ABR: variants seen among roughly 807,000 people sequenced by gnomAD.
ABR encodes the protein ABR activator of RhoGEF and GTPase.
ABR carries 35 observed loss-of-function variants against 107.2 expected under a neutral mutation model. The observed-to-expected ratio is 0.33, with a 90% CI of 0.25 to 0.43. ABR has a LOEUF of 0.43. ABR is among the 20% of genes least tolerant of loss of function. The probability of loss-of-function intolerance (pLI) is 1.00; values close to 1 mark genes in which losing one functional copy is unlikely to be tolerated. For synonymous variants in ABR, 498 were observed against 462.0 expected (o/e 1.08, Z -1.00); for missense variants, 815 against 1,115.2 (o/e 0.73, Z 3.83).
rs564921543 is a variant in ABR at position 1,150,235 on chromosome 17, C to T, written c.62-24868G>A. Among the ~76,000 whole-genome samples, 44 of 152,306 alleles carry T rather than the reference C, an allele frequency of 2.9e-4. No individual in the cohort carries two copies. In the South Asian group the frequency reaches 8.7e-3, roughly 30 times the overall value. On this transcript the variant is annotated intron_variant, in intron 1 of 22. Coordinates refer to ENST00000302538, the MANE Select transcript of ABR (RefSeq NM_021962.5). This position sits in a 1 kb window ranked among gnomAD's most constrained non-coding sequence, Gnocchi z 4.8. ...TTTTTTTGTTACCCACCTGACAAAGCTCTTCATCTTGCTAAAGATAACAGA... is the reference window on the plus strand; with the variant it reads ...TTTTTTTGTTACCCACCTGACAAAGTTCTTCATCTTGCTAAAGATAACAGA...
At position 1,011,015 on chromosome 17, in the gene ABR, T is replaced by C. The variant is rs571681553; in HGVS notation, c.2102-152A>G. The C allele has an allele frequency of 1.0e-6, 1 of 1,000,036 alleles. No homozygotes were observed. The highest frequency in any genetic ancestry group is 2.5e-5 in the East Asian group (1 of 39,418). The allele number at this position is 1,000,036 out of a possible 1,614,324, so 61.9% of individuals were successfully genotyped here. A position where few individuals can be genotyped will look rare whatever the true frequency, so the allele number is the denominator to read the frequency against. ...TGTAGAGAGGGCCCACAGGTGTCTGTGACTCGGCTCTGTGGGTCGGGGTTG... is the reference window on the plus strand; with the variant it reads ...TGTAGAGAGGGCCCACAGGTGTCTGCGACTCGGCTCTGTGGGTCGGGGTTG... On this transcript the variant is annotated intron_variant, in intron 19 of 22. Transcript: ENST00000302538. This position sits in a 1 kb window ranked among gnomAD's most constrained non-coding sequence, Gnocchi z 4.8.
intron 1 of ABR, among the ~76,000 whole-genome samples, chr17:1,220,329 GT>G (rs1278400505): frequency 6.6e-6 from 1 of 152,004 alleles, no homozygotes; most frequent in African/African-American, 2.4e-5. Flanking sequence ...TTTCTCAGCA[GT>G]TGAAAAACGC....
Position 1,150,946 on chromosome 17 carries a change from C to T in ABR, c.62-25579G>A, listed in dbSNP as rs139266130. On this transcript the variant is annotated intron_variant, in intron 1 of 22. Transcript: ENST00000302538. The surrounding 1 kb of genome is among the most constrained non-coding windows in gnomAD (Gnocchi z 4.8). ...CACACTCCTGGGGGTGAGGAGGTCA[C>T]GTATGCAACTTGCTGTCATCTTTCT... Among the ~76,000 whole-genome samples, 481 of 152,214 alleles carry T rather than the reference C, an allele frequency of 3.2e-3. 3 individuals are homozygous for T. Among genetic ancestry groups the T allele is most frequent in the African/African-American group, 0.011 (453 of 41,512 alleles).
At chr17:1,033,916 C>T (rs2072985823) in intron 16 of ABR, among the ~76,000 whole-genome samples, 1 of 151,994 alleles carries the variant, frequency 6.6e-6, no homozygotes, top group African/African-American at 2.4e-5. Flanking sequence ...GCCATCTCCT[C>T]CAGGAAGGCT....
chr17:1,070,208 C>T lies in ABR; in HGVS notation c.895-118G>A, dbSNP rs2035113979. The T allele has an allele frequency of 3.6e-6, 5 of 1,375,156 alleles. No homozygotes were observed. Among genetic ancestry groups the T allele is most frequent in the Non-Finnish European group, 5.0e-6 (5 of 1,006,118 alleles). The allele number at this position is 1,375,156 out of a possible 1,614,324, so 85.2% of individuals were successfully genotyped here. A position where few individuals can be genotyped will look rare whatever the true frequency, so the allele number is the denominator to read the frequency against. ...TGGACCGAGAGGCGGCATAGCCTGT[C>T]ATCCCTTAACCAAAGGTGGTTCAAG... is the stretch of plus-strand genomic sequence containing the variant. On this transcript the variant is annotated intron_variant, in intron 8 of 22. Coordinates refer to ENST00000302538, the MANE Select transcript of ABR (RefSeq NM_021962.5). The surrounding 1 kb of genome is among the most constrained non-coding windows in gnomAD (Gnocchi z 4.2).
intron 2 of ABR, among the ~76,000 whole-genome samples, chr17:1,106,527 CTTTTTT>C (rs540643214): frequency 2.9e-5 from 3 of 102,602 alleles, no homozygotes; most frequent in South Asian, 3.6e-4. Flanking sequence ...TTCTCACAGT[CTTTTTT>C]TTTTTTTTTT....
Position 1,203,513 on chromosome 17 carries a change from G to GGGGCCCGCGGGGGCGGAGTCTGCGGGGGC in ABR, c.838+25279_838+25280insGCCCCCGCAGACTCCGCCCCCGCGGGCCC. Among the ~76,000 whole-genome samples the GGGGCCCGCGGGGGCGGAGTCTGCGGGGGC allele has an allele frequency of 7.0e-4, 2 of 2,840 alleles. 1 individual carries two copies. Among genetic ancestry groups the GGGGCCCGCGGGGGCGGAGTCTGCGGGGGC allele is most frequent in the African/African-American group, 7.3e-4 (2 of 2,758 alleles). 1.9% of individuals were successfully genotyped at this position (2,840 alleles called of 152,430 possible). On this transcript the variant is annotated intron_variant, in intron 1 of 22. Coordinates refer to the ABR transcript ENST00000574139. Reference sequence around the variant, plus strand: ...CCGCGGGGACGGAGTCTGCGGGGGCGGGGGCCGCAGGTCCTGGTCACGTGA... The same window carrying GGGGCCCGCGGGGGCGGAGTCTGCGGGGGC: ...CCGCGGGGACGGAGTCTGCGGGGGCGGGGCCCGCGGGGGCGGAGTCTGCGGGGGCGGGGCCGCAGGTCCTGGTCACGTGA...
At chr17:1,185,535 C>G (rs2042259820) in intron 1 of ABR, among the ~76,000 whole-genome samples, 1 of 151,392 alleles carries the variant, frequency 6.6e-6, no homozygotes, top group African/African-American at 2.4e-5. Context: ...ATCCCAGCTA[C>G]TCGGGAGACT....
intron 1 of ABR, among the ~76,000 whole-genome samples, chr17:1,143,528 TGGGGGA>T (rs2040403888): frequency 1.1e-5 from 1 of 93,810 alleles, no homozygotes; most frequent in Admixed American, 1.1e-4. Flanking sequence ...AGCTCGCTCC[TGGGGGA>T]CAGCTCATTC....
At chr17:1,059,950 C>G (rs539490538) in intron 10 of ABR, among the ~76,000 whole-genome samples, 192 of 152,200 alleles carry the variant, frequency 1.3e-3, no homozygotes, top group Non-Finnish European at 2.4e-3. Context: ...TAAGCGCACA[C>G]TCACCCTGCC....
rs570255480 is a variant in ABR at position 1,026,110 on chromosome 17, G to A, written c.1792-12946C>T. Among the ~76,000 whole-genome samples, 253 of 152,354 alleles carry A rather than the reference G, an allele frequency of 1.7e-3. 2 individuals carry two copies. The highest frequency in any genetic ancestry group is 4.3e-3 in the South Asian group (21 of 4,832). On this transcript the variant is annotated intron_variant, in intron 16 of 22. Transcript: ENST00000302538. ...TTTAGGACTAGGAATCTTGAGACAT[G>A]GCCAAGATCATCACATGAACTGGAT...
intron 1 of ABR, among the ~76,000 whole-genome samples, chr17:1,178,737 A>G (rs1210347063): frequency 1.3e-5 from 2 of 151,584 alleles, no homozygotes; most frequent in African/African-American, 2.4e-5. Context: ...GAAATCCACT[A>G]TGTAAGCCCA....
At position 1,071,312 on chromosome 17, in the gene ABR, C is replaced by T. The variant is rs1306774674; in HGVS notation, c.895-1222G>A. 6.6e-6 allele frequency among the ~76,000 whole-genome samples: 1 copy of T among 152,210 alleles called. No individual in the cohort carries two copies. The highest frequency in any genetic ancestry group is 2.4e-5 in the African/African-American group (1 of 41,452). On this transcript the variant is annotated intron_variant, in intron 8 of 22. Coordinates refer to ENST00000302538, the MANE Select transcript of ABR (RefSeq NM_021962.5). This position sits in a 1 kb window ranked among gnomAD's most constrained non-coding sequence, Gnocchi z 5.1. The stretch of plus-strand genomic sequence containing the variant: ...ATCGGCTCTCTCTGCCCAGTGGACA[C>T]TGTCCAGGCCTGTCCCTCACCACTT...
chr17:1,199,439 C>A (rs557935039), intron 1 of ABR, among the ~76,000 whole-genome samples: 1 of 150,874 alleles, frequency 6.6e-6, no homozygotes, highest in African/African-American at 2.5e-5. Flanking sequence ...TTGCTCTGTT[C>A]CCCAGCTGGA....
chr17:1,010,937 C>T lies in ABR; in HGVS notation c.2102-74G>A. ...CCGTTCCACCCCCGACCCATCCTGACACAGCCCCCACCCACTCCAGCTCTG... is the reference window on the plus strand; with the variant it reads ...CCGTTCCACCCCCGACCCATCCTGATACAGCCCCCACCCACTCCAGCTCTG... On this transcript the variant is annotated intron_variant, in intron 19 of 22. Coordinates refer to ENST00000302538, the MANE Select transcript of ABR (RefSeq NM_021962.5). The surrounding 1 kb of genome is among the most constrained non-coding windows in gnomAD (Gnocchi z 4.1). 6.3e-7 allele frequency: 1 copy of T among 1,576,572 alleles called. No homozygotes were observed. The highest frequency in any genetic ancestry group is 1.1e-5 in the South Asian group (1 of 87,682).
At chr17:1,033,411 G>A (rs370308326) in intron 16 of ABR, among the ~76,000 whole-genome samples, 47 of 152,328 alleles carry the variant, frequency 3.1e-4, no homozygotes, top group African/African-American at 1.1e-3. Flanking sequence ...CTGAGGAAAC[G>A]AAGGGCTCTG....
At chr17:1,044,063 G>T (rs868692707) in intron 16 of ABR, among the ~76,000 whole-genome samples, 2 of 152,258 alleles carry the variant, frequency 1.3e-5, no homozygotes, top group African/African-American at 4.8e-5. Context: ...CGGACCCTGG[G>T]AATATGCTAA....
Position 1,092,338 on chromosome 17 carries a change from T to C in ABR, c.346-488A>G, listed in dbSNP as rs2260794. Among the ~76,000 whole-genome samples, 57,852 of 151,562 alleles carry C rather than the reference T, an allele frequency of 0.38. 11,251 individuals carry two copies. The highest frequency in any genetic ancestry group is 0.48 in the East Asian group (2,460 of 5,130). On this transcript the variant is annotated intron_variant, in intron 3 of 22. Transcript: ENST00000302538. The surrounding 1 kb of genome is among the most constrained non-coding windows in gnomAD (Gnocchi z 4.6). ...AGACCAGTCTTGGCCTCACTGATGT[T>C]CCAAGTTCCCGTCACTTGGCACAGG... is the stretch of plus-strand genomic sequence containing the variant.
intron 10 of ABR, 85 bp downstream of exon 10, chr17:1,066,992 C>G: frequency 2.0e-6 from 3 of 1,469,480 alleles, no homozygotes; most frequent in Non-Finnish European, 2.8e-6. Context: ...CTCTCAAAGT[C>G]TCAAACCTTA....
Sources: allele counts gnomAD v4.1 joint callset (sites outside exome capture counted in the v4.1 genomes callset), GRCh38; gene constraint gnomAD v4.1.1; non-coding constraint Gnocchi (gnomAD v3.1); transcripts MANE v1.5; gene names NCBI Gene and HGNC (gene_info 2026-07-23, HGNC 2026-07-21).